Variants in TANGO6 observed in about 807,000 individuals in gnomAD.
The protein encoded by TANGO6 is transport and Golgi organization protein 6 homolog.
In TANGO6, 90 loss-of-function variants were observed where a neutral mutation model predicts 114.2. The observed-to-expected ratio is 0.79, with a 90% CI of 0.66 to 0.94. TANGO6 has a LOEUF of 0.94. Ranked by LOEUF, TANGO6 falls within the 40% of genes least tolerant of loss-of-function variation. TANGO6 has a pLI of 0.00. For missense variants in TANGO6, 1,274 were observed against 1,315.3 expected, an observed-to-expected ratio of 0.97 and a Z score of 0.49; for synonymous variants, 477 against 509.8, an observed-to-expected ratio of 0.94 and a Z score of 0.87.
At chr16:68,899,732 T>G (rs1479950227) in intron 7 of TANGO6, among the ~76,000 whole-genome samples, 1 of 152,046 alleles carries the variant, frequency 6.6e-6, no homozygotes, top group African/African-American at 2.4e-5. Context: ...ACCACGTAGT[T>G]AGGACTGTAG....
intron 15 of TANGO6, among the ~76,000 whole-genome samples, chr16:68,975,276 C>G (rs1963752405): frequency 6.6e-6 from 1 of 152,170 alleles, no homozygotes; most frequent in African/African-American, 2.4e-5. Context: ...GTGCTGAGAA[C>G]TGAACCACCA....
Position 68,994,183 on chromosome 16 carries a change from G to A in TANGO6, c.2842+20015G>A, listed in dbSNP as rs1021753776. Among the ~76,000 whole-genome samples, 7 of 152,270 alleles carry A rather than the reference G, an allele frequency of 4.6e-5. No individual in the cohort carries two copies. In the East Asian group the frequency reaches 1.3e-3, roughly 29 times the overall value. On this transcript the variant is annotated intron_variant, in intron 15 of 17. Transcript: ENST00000261778. ...TGTTTCTGTGTTATTTTAGTTCATT[G>A]AGTTGCCAAAAATCCAGTAATACAA...
chr16:68,922,147 T>A (rs1016301029), intron 12 of TANGO6, among the ~76,000 whole-genome samples: 7 of 151,672 alleles, frequency 4.6e-5, no homozygotes, highest in African/African-American at 1.7e-4. Flanking sequence ...ATTTATGTAA[T>A]CAAAGTGATT....
At chr16:68,948,870 C>T (rs1478812294) in intron 14 of TANGO6, among the ~76,000 whole-genome samples, 1 of 152,170 alleles carries the variant, frequency 6.6e-6, no homozygotes, top group Non-Finnish European at 1.5e-5. Flanking sequence ...GTTTTAGGAG[C>T]ATTAGGAAAG....
In TANGO6 at chr16:68,875,148, T is replaced by C. The variant is rs1345189739; in HGVS notation, c.995-6T>C. The C allele has an allele frequency of 5.0e-6, 8 of 1,611,040 alleles. No individual in the cohort carries two copies. Among genetic ancestry groups the C allele is most frequent in the Non-Finnish European group, 6.8e-6 (8 of 1,177,782 alleles). ...GAGCTGCTAACATCTCTCTCCATTGTGCCAGCGGGAGCAGCTGGTGGAAGT... is the reference window on the plus strand; with the variant it reads ...GAGCTGCTAACATCTCTCTCCATTGCGCCAGCGGGAGCAGCTGGTGGAAGT... On this transcript the variant is annotated splice_region_variant and splice_polypyrimidine_tract_variant and intron_variant, in intron 4 of 17. Transcript: ENST00000261778.
rs543712156 is a variant in TANGO6 at position 68,880,995 on chromosome 16, C to T, written c.1377+365C>T. ...TGGAGAATGAGGTCTCACTATATTG[C>T]CCAGGTAGGTCTCGAACTCCTGGGC... On this transcript the variant is annotated intron_variant, in intron 7 of 17. Coordinates refer to ENST00000261778, the MANE Select transcript of TANGO6 (RefSeq NM_024562.2). Among the ~76,000 whole-genome samples, 6 of 152,186 alleles carry T rather than the reference C, an allele frequency of 3.9e-5. No homozygotes were observed. The South Asian group carries it at 1.2e-3, about 32-fold the overall frequency.
chr16:68,900,463 A>G lies in TANGO6; in HGVS notation c.1407A>G (p.Thr469=). ...ACGTGGTTGGGAATGAACCTTTAAC[A>G]GTTTTGATGGATTCCCTGCTTCCAG... The part of the protein sequence containing the change: ...KVYVVGNEPL[T]VLMDSLLPVL... The change falls in exon 8 of 18, where the codon ACA becomes ACG. Residue 469 remains threonine (T), a synonymous_variant. Coordinates refer to ENST00000261778, the MANE Select transcript of TANGO6 (RefSeq NM_024562.2). 2.5e-6 allele frequency: 4 copies of G among 1,613,890 alleles called. No homozygotes were observed. The highest frequency in any genetic ancestry group is 2.2e-5 in the East Asian group (1 of 44,880).
intron 11 of TANGO6, among the ~76,000 whole-genome samples, chr16:68,909,963 C>G (rs2152186396): frequency 6.6e-6 from 1 of 152,228 alleles, no homozygotes; most frequent in South Asian, 2.1e-4. Context: ...TTAAAAAATG[C>G]TTTTAGAGGA....
At chr16:68,942,058 G>A (rs1567545078) in intron 14 of TANGO6, among the ~76,000 whole-genome samples, 1 of 152,034 alleles carries the variant, frequency 6.6e-6, no homozygotes, top group Non-Finnish European at 1.5e-5. Context: ...AGCCAGGCAC[G>A]GTGGCTCACA....
intron 15 of TANGO6, among the ~76,000 whole-genome samples, chr16:68,982,622 G>A (rs1019439246): frequency 8.0e-6 from 1 of 125,556 alleles, no homozygotes; most frequent in Non-Finnish European, 1.6e-5. Context: ...GAGCCACCAT[G>A]CCCTGGCCTT....
At chr16:69,061,654 G>A (rs184894890) in intron 17 of TANGO6, among the ~76,000 whole-genome samples, 2 of 152,138 alleles carry the variant, frequency 1.3e-5, no homozygotes, top group Admixed American at 6.6e-5. Flanking sequence ...CTGGGCAGAG[G>A]TTTTTGCCAT....
chr16:69,064,365 C>G (rs1455487116), intron 17 of TANGO6, among the ~76,000 whole-genome samples: 1 of 152,072 alleles, frequency 6.6e-6, no homozygotes, highest in Non-Finnish European at 1.5e-5. Context: ...CTGCACTTCC[C>G]CTATCCACAG....
chr16:68,913,003 C>T (rs1050064849), intron 11 of TANGO6, among the ~76,000 whole-genome samples: 2 of 150,064 alleles, frequency 1.3e-5, no homozygotes, highest in Non-Finnish European at 3.0e-5. Flanking sequence ...ACACTTGAAC[C>T]CGGGAGGCGG....
intron 16 of TANGO6, chr16:69,034,908 C>T (rs1444989174): frequency 6.9e-6 from 1 of 145,306 alleles, no homozygotes; most frequent in Non-Finnish European, 1.5e-5. Flanking sequence ...TTGTCAAAGG[C>T]TGTGTCGCTT....
At chr16:69,008,573 T>G (rs1444237640) in intron 15 of TANGO6, among the ~76,000 whole-genome samples, 2 of 152,176 alleles carry the variant, frequency 1.3e-5, no homozygotes, top group African/African-American at 4.8e-5. Context: ...TTTTACAATT[T>G]TATCTCTTAT....
At position 68,857,550 on chromosome 16, in the gene TANGO6, G is replaced by A. The variant is rs115385745; in HGVS notation, c.95-2334G>A. Reference sequence around the variant, plus strand: ...AACTCATTTGGATAAATACCCAGGAGCACAATTGCTGGATCGTATGTTTAA... The same window carrying A: ...AACTCATTTGGATAAATACCCAGGAACACAATTGCTGGATCGTATGTTTAA... On this transcript the variant is annotated intron_variant, in intron 1 of 17. Transcript: ENST00000261778. Among the ~76,000 whole-genome samples, 1,046 of 152,142 alleles carry A rather than the reference G, an allele frequency of 6.9e-3. 15 individuals are homozygous for A. Among genetic ancestry groups the A allele is most frequent in the African/African-American group, 0.024 (987 of 41,506 alleles).
intron 9 of TANGO6, 62 bp from the exon 10 acceptor site, chr16:68,907,381 G>A: frequency 6.8e-7 from 1 of 1,475,318 alleles, no homozygotes; most frequent in Non-Finnish European, 9.0e-7. Flanking sequence ...GATTGTTATG[G>A]GGTTTAAAAT....
rs140189757 is a variant in TANGO6 at position 68,850,060 on chromosome 16, G to A, written c.94+6349G>A. Among the ~76,000 whole-genome samples the A allele has an allele frequency of 9.6e-4, 136 of 141,024 alleles. No individual in the cohort carries two copies. The East Asian group carries it at 0.028, about 30-fold the overall frequency. The allele number at this position is 141,024 out of a possible 152,430, so 92.5% of individuals were successfully genotyped here. A position where few individuals can be genotyped will look rare whatever the true frequency, so the allele number is the denominator to read the frequency against. ...TCAATCTCCGCTCACCACAGCCTCC[G>A]CCTCCCAGGTTCAAGCGATTATCCT... On this transcript the variant is annotated intron_variant, in intron 1 of 17. Transcript: ENST00000261778.
chr16:68,983,123 T>C (rs919715452), intron 15 of TANGO6, among the ~76,000 whole-genome samples: 1 of 152,120 alleles, frequency 6.6e-6, no homozygotes, highest in Admixed American at 6.6e-5. Flanking sequence ...GTACTGGAAC[T>C]ACAGGCGTGA....
Sources: gnomAD v4.1 joint callset for allele counts (sites outside exome capture counted in the v4.1 genomes callset) on GRCh38, gnomAD v4.1.1 for gene constraint, MANE v1.5 for transcripts, NCBI Gene and HGNC (gene_info 2026-07-23, HGNC 2026-07-21) for gene names.